TXNIP: variants seen among roughly 807,000 people sequenced by gnomAD.
TXNIP encodes thioredoxin-interacting protein.
Under a neutral mutation model 43.9 loss-of-function variants are expected in TXNIP, and 23 were observed. That is an observed-to-expected ratio of 0.52 (90% CI 0.38 to 0.74). The LOEUF is 0.74. TXNIP is among the 30% of genes least tolerant of loss of function. The pLI is 0.00. For missense variants in TXNIP, 555 were observed against 485.4 expected, an observed-to-expected ratio of 1.14 and a Z score of -1.35; for synonymous variants, 234 against 172.2, an observed-to-expected ratio of 1.36 and a Z score of -2.81.
Position 145,993,878 on chromosome 1 carries a change from G to A in TXNIP, c.1149C>T (p.Pro383=), listed in dbSNP as rs1553765796. Residue 383 remains proline, a synonymous_variant, in exon 8 of 8, where the codon CCC becomes CCT. Transcript: ENST00000582401. ...MPPPTYTEVD[P]CILNNNVQ ...ACTGCACATTGTTGTTGAGGATGCAGGGATCCACCTAAAGAAAGAAACAGA... is the reference window on the plus strand; with the variant it reads ...ACTGCACATTGTTGTTGAGGATGCAAGGATCCACCTAAAGAAAGAAACAGA... 1 of 1,614,118 alleles carries A rather than the reference G, an allele frequency of 6.2e-7. No individual in the cohort carries two copies.
At position 145,996,314 on chromosome 1, in the gene TXNIP, A is replaced by G. The variant is rs782299484; in HGVS notation, c.-48T>C. 3.2e-6 allele frequency: 5 copies of G among 1,566,052 alleles called. No homozygotes were observed. In the African/African-American group the frequency reaches 6.9e-5, roughly 22 times the overall value. On this transcript the variant is annotated 5_prime_UTR_variant, in exon 1 of 8. Transcript: ENST00000582401. ...GAGTTAGAAATGACGGTGGAAGAAA[A>G]AAAAAGCTCCAAATCGAGGAAACCC...
Position 145,994,629 on chromosome 1 carries a change from G to C in TXNIP, c.746C>G (p.Ser249Ter). 1 of 1,614,198 alleles carries C rather than the reference G, an allele frequency of 6.2e-7. No individual in the cohort carries two copies. The change falls in exon 5 of 8, where the codon TCA becomes TGA. Residue 249 changes from serine (S) to a stop codon, truncating the protein, a stop_gained. Coordinates refer to ENST00000582401, the MANE Select transcript of TXNIP (RefSeq NM_006472.6). LOFTEE classifies it high-confidence loss of function. Reference sequence around the variant, plus strand: ...AACCCGAAGGCTCTTGCCACGCCATGATGCGCATGTCCCTGAGATAATATG... The same window carrying C: ...AACCCGAAGGCTCTTGCCACGCCATCATGCGCATGTCCCTGAGATAATATG... ...GNHIISGTCASWRGKSLRVQK... is the reference protein window; with the variant it reads ...GNHIISGTCA
At position 145,996,333 on chromosome 1, in the gene TXNIP, G is replaced by A. The variant is rs1651533757; in HGVS notation, c.-67C>T. On this transcript the variant is annotated 5_prime_UTR_variant, in exon 1 of 8. Coordinates refer to ENST00000582401, the MANE Select transcript of TXNIP (RefSeq NM_006472.6). The stretch of plus-strand genomic sequence containing the variant: ...AAGAAAAAAAAAGCTCCAAATCGAG[G>A]AAACCCCTTTGCAAAAAATTATTTC... The A allele has an allele frequency of 6.5e-6, 10 of 1,543,574 alleles. No homozygotes were observed. The Admixed American group carries it at 1.9e-4, about 29-fold the overall frequency.
In TXNIP at chr1:145,996,405, A is replaced by C; in HGVS notation, c.-139T>G. ...CTTAAGCAGTTTGAGCTTAAAAATAAAATAAGATTTAAACAAATGAATATT... is the reference window on the plus strand; with the variant it reads ...CTTAAGCAGTTTGAGCTTAAAAATACAATAAGATTTAAACAAATGAATATT... On this transcript the variant is annotated 5_prime_UTR_variant, in exon 1 of 8. Coordinates refer to ENST00000582401, the MANE Select transcript of TXNIP (RefSeq NM_006472.6). 1 of 1,080,356 alleles carries C rather than the reference A, an allele frequency of 9.3e-7. No individual in the cohort carries two copies. The highest frequency in any genetic ancestry group is 1.3e-6 in the Non-Finnish European group (1 of 761,036). The allele number at this position is 1,080,356 out of a possible 1,614,324, so 66.9% of individuals were successfully genotyped here. A position where few individuals can be genotyped will look rare whatever the true frequency, so the allele number is the denominator to read the frequency against.
intron 1 of TXNIP, 117 bp from the exon 2 acceptor site, chr1:145,995,593 CATAT>C: frequency 1.1e-6 from 1 of 887,358 alleles, no homozygotes; most frequent in Non-Finnish European, 1.9e-6. Context: ...AATTTCATCC[CATAT>C]ATATATTTTT....
Position 145,996,371 on chromosome 1 carries a change from T to A in TXNIP, c.-105A>T. The A allele has an allele frequency of 7.6e-7, 1 of 1,318,854 alleles. No homozygotes were observed. Among genetic ancestry groups the A allele is most frequent in the Non-Finnish European group, 1.0e-6 (1 of 953,392 alleles). The allele number at this position is 1,318,854 out of a possible 1,614,324, so 81.7% of individuals were successfully genotyped here. A position where few individuals can be genotyped will look rare whatever the true frequency, so the allele number is the denominator to read the frequency against. On this transcript the variant is annotated 5_prime_UTR_variant, in exon 1 of 8. Coordinates refer to ENST00000582401, the MANE Select transcript of TXNIP (RefSeq NM_006472.6). Reference sequence around the variant, plus strand: ...AAAAAATTATTTCACTTTAAGGAATTAAGGTATTCTTAAGCAGTTTGAGCT... The same window carrying A: ...AAAAAATTATTTCACTTTAAGGAATAAAGGTATTCTTAAGCAGTTTGAGCT...
Position 145,995,136 on chromosome 1 carries a change from G to A in TXNIP, c.471+8C>T, listed in dbSNP as rs782508705. On this transcript the variant is annotated splice_region_variant and intron_variant, in intron 3 of 7. Transcript: ENST00000582401. ...CCAGGAGAATAGAATCTTTAAAATG[G>A]ATCTCACCATTAAATCAGGGGTATT... is the stretch of plus-strand genomic sequence containing the variant. The A allele has an allele frequency of 6.2e-7, 1 of 1,613,920 alleles. No homozygotes were observed.
rs998544962 is a variant in TXNIP, at chr1:145,996,185, C to T, written c.82G>A (p.Ala28Thr). Residue 28 changes from alanine (A) to threonine (T), a missense_variant, in exon 1 of 8, where the codon GCT becomes ACT. Transcript: ENST00000582401. ...CACACCTCCACTATCACCCGGCCAGCCACCTTCTCGCCACTGCCGTACACC... is the reference window on the plus strand; with the variant it reads ...CACACCTCCACTATCACCCGGCCAGTCACCTTCTCGCCACTGCCGTACACC... ...EKVYGSGEKV[A>T]GRVIVEVCEV... 6.2e-7 allele frequency: 1 copy of T among 1,613,940 alleles called. No homozygotes were observed. Among genetic ancestry groups the T allele is most frequent in the African/African-American group, 1.3e-5 (1 of 74,876 alleles).
In TXNIP at chr1:145,993,574, A is replaced by C. The variant is rs1425527728; in HGVS notation, c.*277T>G. On this transcript the variant is annotated 3_prime_UTR_variant, in exon 8 of 8. Transcript: ENST00000582401. ...ATCGAAAAGGCCTCAATTTTCAAGG[A>C]GATCTGAGAAAATGGATGGGCCTGA... The C allele has an allele frequency of 8.8e-6, 3 of 340,616 alleles. No homozygotes were observed. The highest frequency in any genetic ancestry group is 6.2e-5 in the African/African-American group (3 of 48,084). The allele number at this position is 340,616 out of a possible 1,614,324, so 21.1% of individuals were successfully genotyped here. A position where few individuals can be genotyped will look rare whatever the true frequency, so the allele number is the denominator to read the frequency against.
rs1651310451 is a variant in TXNIP at position 145,993,904 on chromosome 1, C to G, written c.1141-18G>C. The G allele has an allele frequency of 6.2e-7, 1 of 1,614,176 alleles. No individual in the cohort carries two copies. The highest frequency in any genetic ancestry group is 8.5e-7 in the Non-Finnish European group (1 of 1,180,030). On this transcript the variant is annotated intron_variant, in intron 7 of 7. Coordinates refer to ENST00000582401, the MANE Select transcript of TXNIP (RefSeq NM_006472.6). ...GGATCCACCTAAAGAAAGAAACAGA[C>G]TATTTCAGTTCAGGTAAGAACAAAA...
At position 145,995,166 on chromosome 1, in the gene TXNIP, T is replaced by A. The variant is rs1651423126; in HGVS notation, c.449A>T (p.Asp150Val). ...CACCATTAAATCAGGGGTATTGACA[T>A]CCACCAGATCCACTACTTCAAAGTT... ...KKNFEVVDLV[D>V]VNTPDLMAPV... Residue 150 changes from aspartate to valine, a missense_variant, in exon 3 of 8, where the codon GAT becomes GTT. Transcript: ENST00000582401. 2 of 1,614,040 alleles carry A rather than the reference T, an allele frequency of 1.2e-6. No homozygotes were observed. The highest frequency in any genetic ancestry group is 2.2e-5 in the South Asian group (2 of 91,088).
chr1:145,993,587 T>C lies in TXNIP; in HGVS notation c.*264A>G, dbSNP rs782095422. The stretch of plus-strand genomic sequence containing the variant: ...CAATTTTCAAGGAGATCTGAGAAAA[T>C]GGATGGGCCTGAGTTTTTCTAGTTA... On this transcript the variant is annotated 3_prime_UTR_variant, in exon 8 of 8. Coordinates refer to ENST00000582401, the MANE Select transcript of TXNIP (RefSeq NM_006472.6). The C allele has an allele frequency of 1.4e-5, 5 of 364,346 alleles. No individual in the cohort carries two copies. The highest frequency in any genetic ancestry group is 8.2e-5 in the African/African-American group (4 of 48,578). The allele number at this position is 364,346 out of a possible 1,614,324, so 22.6% of individuals were successfully genotyped here. A position where few individuals can be genotyped will look rare whatever the true frequency, so the allele number is the denominator to read the frequency against.
Position 145,994,408 on chromosome 1 carries a change from C to G in TXNIP, c.861G>C (p.Lys287Asn), listed in dbSNP as rs782235105. 1.7e-5 allele frequency: 28 copies of G among 1,613,870 alleles called. No individual in the cohort carries two copies. Among genetic ancestry groups the G allele is most frequent in the Non-Finnish European group, 2.1e-5 (25 of 1,179,924 alleles). Residue 287 changes from lysine (K) to asparagine (N), a missense_variant, in exon 6 of 8, where the codon AAG becomes AAC. By Grantham distance (94) the Lys-to-Asn change is moderately conservative. Coordinates refer to ENST00000582401, the MANE Select transcript of TXNIP (RefSeq NM_006472.6). ...TTACCAGGGGCAGGTCAAGGATGAC[C>G]TTCTTGGATCCAGGAACGCTAACAT... The part of the protein sequence containing the change: ...LIYVSVPGSK[K>N]VILDLPLVIG...
At position 145,995,269 on chromosome 1, in the gene TXNIP, C is replaced by T. The variant is rs1651433018; in HGVS notation, c.346G>A (p.Gly116Arg). 3.1e-6 allele frequency: 5 copies of T among 1,614,090 alleles called. No homozygotes were observed. In the East Asian group the frequency reaches 8.9e-5, roughly 29 times the overall value. The change falls in exon 3 of 8, where the codon GGA (glycine) becomes AGA (arginine). Residue 116 changes from glycine to arginine, a missense_variant. Transcript: ENST00000582401. Reference protein sequence around the residue: ...PQGPLGTSFKGKYGCVDYWVK... With the variant: ...PQGPLGTSFKRKYGCVDYWVK... ...CAGTAGTCTACACACCCATATTTTC[C>T]TTTGAAGGATGTTCCCAGAGGCCTG...
chr1:145,994,164 G>GGAGCTA lies in TXNIP; in HGVS notation c.989-3_991dup (p.Ala330_Pro331insLeuAla), dbSNP rs1651336278. On this transcript the variant is annotated inframe_insertion, in exon 7 of 8. Transcript: ENST00000582401. ...AGGAATGACATCCATATAGCAGGGA[G>GGAGCTA]GAGCTAGAAAAGAAAATATGGCCAC... 1 of 1,613,802 alleles carries GGAGCTA rather than the reference G, an allele frequency of 6.2e-7. No homozygotes were observed. Among genetic ancestry groups the GGAGCTA allele is most frequent in the South Asian group, 1.1e-5 (1 of 91,042 alleles).
In TXNIP at chr1:145,996,277, A is replaced by C; in HGVS notation, c.-11T>G. ...CTTGAACATCACCATGATGGAACTG[A>C]GTTGGTTTTAAGAGTTAGAAATGAC... On this transcript the variant is annotated 5_prime_UTR_variant, in exon 1 of 8. Transcript: ENST00000582401. 1 of 1,611,744 alleles carries C rather than the reference A, an allele frequency of 6.2e-7. No individual in the cohort carries two copies. Among genetic ancestry groups the C allele is most frequent in the Non-Finnish European group, 8.5e-7 (1 of 1,178,422 alleles).
chr1:145,992,748 AAGGGCTTTTATGAAGACCTGCCCTCT>A lies in TXNIP; in HGVS notation c.*1077_*1102del, dbSNP rs1235949373. 6.6e-6 allele frequency: 1 copy of A among 152,636 alleles called. No homozygotes were observed. The highest frequency in any genetic ancestry group is 1.5e-5 in the Non-Finnish European group (1 of 68,078). 9.5% of individuals were successfully genotyped at this position (152,636 alleles called of 1,614,324 possible). A position where few individuals can be genotyped will look rare whatever the true frequency, so the allele number is the denominator to read the frequency against. Reference sequence around the variant, plus strand: ...TAACACAGGGCAGGAAGGGGGTTCAAAGGGCTTTTATGAAGACCTGCCCTCTAGTTTCTCATGGCAGTATTTGGAGG... The same window carrying A: ...TAACACAGGGCAGGAAGGGGGTTCAAAGTTTCTCATGGCAGTATTTGGAGG... On this transcript the variant is annotated 3_prime_UTR_variant, in exon 8 of 8. Coordinates refer to ENST00000582401, the MANE Select transcript of TXNIP (RefSeq NM_006472.6).
Position 145,994,016 on chromosome 1 carries a change from CTCAGTA to C in TXNIP, c.1134_1139del (p.Tyr378_Glu380delinsTer), listed in dbSNP as rs781873009. On this transcript the variant is annotated stop_gained and inframe_deletion and splice_region_variant, in exon 7 of 8. Coordinates refer to ENST00000582401, the MANE Select transcript of TXNIP (RefSeq NM_006472.6). LOFTEE classifies it high-confidence loss of function. ...TAACAGTAAAGATGACAATCCTCAC[CTCAGTA>C]TAAGTCGGTGGTGGCATGAACTTGA... The C allele has an allele frequency of 1.1e-5, 18 of 1,614,026 alleles. No individual in the cohort carries two copies. Among genetic ancestry groups the C allele is most frequent in the African/African-American group, 5.3e-5 (4 of 74,908 alleles).
chr1:145,993,651 A>G lies in TXNIP; in HGVS notation c.*200T>C. On this transcript the variant is annotated 3_prime_UTR_variant, in exon 8 of 8. Transcript: ENST00000582401. The stretch of plus-strand genomic sequence containing the variant: ...CCAACAAACACCCCTGTATCACAAC[A>G]TGGGCGCTGGCTGAGGATGAGTCCG... The G allele has an allele frequency of 1.7e-6, 1 of 588,380 alleles. No homozygotes were observed. The highest frequency in any genetic ancestry group is 3.0e-6 in the Non-Finnish European group (1 of 335,002). The allele number at this position is 588,380 out of a possible 1,614,324, so 36.4% of individuals were successfully genotyped here.
Sources: gnomAD v4.1 joint callset for allele counts on GRCh38, gnomAD v4.1.1 for gene constraint, MANE v1.5 for transcripts, NCBI Gene and HGNC (gene_info 2026-07-23, HGNC 2026-07-21) for gene names.